PWWP2B: variants seen among roughly 807,000 people sequenced by gnomAD.
PWWP2B encodes the protein PWWP domain containing 2B, also known as PWWP domain-containing protein 2B.
A neutral mutation model predicts 15.5 loss-of-function variants in PWWP2B; 9 were observed. The observed-to-expected ratio is 0.58, with a 90% CI of 0.35 to 1.02. PWWP2B has a LOEUF of 1.02. PWWP2B is among the 50% of genes least tolerant of loss of function. The probability of loss-of-function intolerance (pLI) is 0.02; values close to 1 mark genes in which losing one functional copy is unlikely to be tolerated. For missense variants in PWWP2B, 864 were observed against 865.3 expected (o/e 1.00, Z 0.02); for synonymous variants, 474 against 403.6 (o/e 1.17, Z -2.09).
Position 132,404,657 on chromosome 10 carries a change from C to T in PWWP2B, c.157C>T (p.Pro53Ser). Reference sequence around the variant, plus strand: ...CCTCTTTGGCCTACCCCCGTTGGCTCCGCTGCCCCAGGTCGATGAGTCCCC... The same window carrying T: ...CCTCTTTGGCCTACCCCCGTTGGCTTCGCTGCCCCAGGTCGATGAGTCCCC... ...SGLFGLPPLA[P>S]LPQVDESPVN... is the part of the protein sequence containing the mutation. Residue 53 changes from proline (P) to serine (S), a missense_variant, in exon 2 of 3, where the codon CCG becomes TCG. This residue lies in a region of PWWP2B where 736 missense variants were observed against 687.7 expected (regional missense o/e 1.07). Transcript: ENST00000305233. 6.2e-7 allele frequency: 1 copy of T among 1,612,922 alleles called. No homozygotes were observed. Among genetic ancestry groups the T allele is most frequent in the Non-Finnish European group, 8.5e-7 (1 of 1,179,840 alleles).
intron 2 of PWWP2B, among the ~76,000 whole-genome samples, 189 bp downstream of exon 2, chr10:132,406,478 C>G (rs997669012): frequency 3.9e-5 from 6 of 152,254 alleles, no homozygotes; most frequent in African/African-American, 1.4e-4. Context: ...GCTTCTGATT[C>G]ACACAAGAGG....
intron 2 of PWWP2B, among the ~76,000 whole-genome samples, chr10:132,414,581 A>G (rs2133165787): frequency 7.2e-6 from 1 of 138,930 alleles, no homozygotes; most frequent in East Asian, 1.9e-4. Flanking sequence ...TGGAGGATGC[A>G]TAGGTGGAGC....
At position 132,417,344 on chromosome 10, in the gene PWWP2B, G is replaced by A. The variant is rs1012732425; in HGVS notation, c.*300G>A. 11 of 515,146 alleles carry A rather than the reference G, an allele frequency of 2.1e-5. No individual in the cohort carries two copies. Among genetic ancestry groups the A allele is most frequent in the Non-Finnish European group, 2.8e-5 (8 of 288,968 alleles). The allele number at this position is 515,146 out of a possible 1,614,324, so 31.9% of individuals were successfully genotyped here. On this transcript the variant is annotated 3_prime_UTR_variant, in exon 3 of 3. Transcript: ENST00000305233. Reference sequence around the variant, plus strand: ...TGGCTGCTGGCTGCTGCTGCCTCGCGCGCTGGGGTTCCATGGAGGAACTGG... The same window carrying A: ...TGGCTGCTGGCTGCTGCTGCCTCGCACGCTGGGGTTCCATGGAGGAACTGG...
chr10:132,415,521 C>T (rs1197180783), intron 2 of PWWP2B, among the ~76,000 whole-genome samples: 1 of 128,714 alleles, frequency 7.8e-6, no homozygotes, highest in African/African-American at 3.5e-5. Context: ...ATCCAGACAT[C>T]CACTGTCACA....
intron 1 of PWWP2B, among the ~76,000 whole-genome samples, chr10:132,400,882 C>G (rs759043149): frequency 6.6e-6 from 1 of 152,240 alleles, no homozygotes; most frequent in Non-Finnish European, 1.5e-5. Flanking sequence ...AATGTGGGCC[C>G]GGGAGGCCAG....
At chr10:132,416,367 C>T (rs1200858104) in intron 2 of PWWP2B, among the ~76,000 whole-genome samples, 5 of 152,166 alleles carry the variant, frequency 3.3e-5, no homozygotes, top group Admixed American at 6.5e-5. Flanking sequence ...GTCTGTCTCT[C>T]TGTTTGTTGG....
At chr10:132,416,785 G>A (rs1456429179) in intron 2 of PWWP2B, among the ~76,000 whole-genome samples, 1 of 152,130 alleles carries the variant, frequency 6.6e-6, no homozygotes, top group Non-Finnish European at 1.5e-5. Context: ...CAGGCCCGCT[G>A]GCTTCTCCGT....
At chr10:132,410,059 C>T (rs1480152513) in intron 2 of PWWP2B, among the ~76,000 whole-genome samples, 1 of 152,098 alleles carries the variant, frequency 6.6e-6, no homozygotes, top group Non-Finnish European at 1.5e-5. Flanking sequence ...TATTATTTGT[C>T]AGTTAAAAAT....
At chr10:132,407,806 C>T (rs1317261244) in intron 2 of PWWP2B, among the ~76,000 whole-genome samples, 1 of 152,220 alleles carries the variant, frequency 6.6e-6, no homozygotes, top group Non-Finnish European at 1.5e-5. Context: ...CGTCTCTCAG[C>T]TTGAGTCTGG....
chr10:132,405,854 G>A lies in PWWP2B; in HGVS notation c.1354G>A (p.Ala452Thr), dbSNP rs1194474601. The A allele has an allele frequency of 5.6e-6, 9 of 1,611,100 alleles. No homozygotes were observed. Among genetic ancestry groups the A allele is most frequent in the East Asian group, 4.5e-5 (2 of 44,826 alleles). Residue 452 changes from alanine (A) to threonine (T), a missense_variant, in exon 2 of 3, where the codon GCG (alanine) becomes ACG (threonine). Around this residue, in one of 2 missense-constraint regions of PWWP2B, gnomAD observed 736 missense variants for 687.7 expected, o/e 1.07. Coordinates refer to ENST00000305233, the MANE Select transcript of PWWP2B (RefSeq NM_138499.4). ...GGGTGACCTCTCGCCTGGCCACGGCGCGTCAGCGCCCTCGGTGTCCAGAGA... is the reference window on the plus strand; with the variant it reads ...GGGTGACCTCTCGCCTGGCCACGGCACGTCAGCGCCCTCGGTGTCCAGAGA... ...DTGDLSPGHGASAPSVSREAR... is the reference protein window; with the variant it reads ...DTGDLSPGHGTSAPSVSREAR...
At position 132,417,660 on chromosome 10, in the gene PWWP2B, C is replaced by T. The variant is rs1215546158; in HGVS notation, c.*616C>T. On this transcript the variant is annotated 3_prime_UTR_variant, in exon 3 of 3. Transcript: ENST00000305233. ...CAAGTTCATCCCAGAGCGTGGGGCCCGCTGGGCACCTGGCACCTGGCCTGC... is the reference window on the plus strand; with the variant it reads ...CAAGTTCATCCCAGAGCGTGGGGCCTGCTGGGCACCTGGCACCTGGCCTGC... 4 of 154,080 alleles carry T rather than the reference C, an allele frequency of 2.6e-5. No homozygotes were observed. The highest frequency in any genetic ancestry group is 1.9e-4 in the South Asian group (1 of 5,226). 9.5% of individuals were successfully genotyped at this position (154,080 alleles called of 1,614,324 possible). A position where few individuals can be genotyped will look rare whatever the true frequency, so the allele number is the denominator to read the frequency against.
chr10:132,416,280 C>T (rs1037533188), intron 2 of PWWP2B, among the ~76,000 whole-genome samples: 37 of 152,284 alleles, frequency 2.4e-4, no homozygotes, highest in Non-Finnish European at 4.4e-4. Flanking sequence ...CGTGCACCCT[C>T]GGCTCTGCAG....
chr10:132,408,821 CAG>C (rs2069738328), intron 2 of PWWP2B, among the ~76,000 whole-genome samples: 1 of 152,248 alleles, frequency 6.6e-6, no homozygotes, highest in Non-Finnish European at 1.5e-5. Flanking sequence ...AGGCCCTGCT[CAG>C]GGGTAGGCGG....
At chr10:132,400,664 T>C (rs1335799967) in intron 1 of PWWP2B, among the ~76,000 whole-genome samples, 1 of 152,164 alleles carries the variant, frequency 6.6e-6, no homozygotes, top group African/African-American at 2.4e-5. Context: ...TGTCCTGCTG[T>C]GGGTGTCTGC....
intron 2 of PWWP2B, among the ~76,000 whole-genome samples, chr10:132,416,318 T>C (rs2069855671): frequency 1.3e-5 from 2 of 151,962 alleles, no homozygotes; most frequent in South Asian, 4.2e-4. Context: ...GTCCCTGTGC[T>C]CTCCACCCAC....
At position 132,406,099 on chromosome 10, in the gene PWWP2B, T is replaced by C. The variant is rs536978356; in HGVS notation, c.1599T>C (p.Ser533=). The change falls in exon 2 of 3, where the codon TCT becomes TCC. Residue 533 remains serine (S), a synonymous_variant. Transcript: ENST00000305233. ...WREAKVSWFG[S]PTTSFLSISK... The stretch of plus-strand genomic sequence containing the variant: ...AAGCGAAGGTCTCGTGGTTTGGTTC[T>C]CCGACTACGTCGTTCTTGTCTATTT... 2 of 1,613,824 alleles carry C rather than the reference T, an allele frequency of 1.2e-6. No homozygotes were observed. The highest frequency in any genetic ancestry group is 1.1e-5 in the South Asian group (1 of 91,088).
At chr10:132,415,507 T>TCACATC (rs1440089429) in intron 2 of PWWP2B, among the ~76,000 whole-genome samples, 51 of 131,946 alleles carry the variant, frequency 3.9e-4, no homozygotes, top group African/African-American at 1.6e-3. Flanking sequence ...ACACATCCAC[T>TCACATC]CACATCCAGA....
At chr10:132,407,030 T>C (rs2069710537) in intron 2 of PWWP2B, among the ~76,000 whole-genome samples, 1 of 152,276 alleles carries the variant, frequency 6.6e-6, no homozygotes, top group African/African-American at 2.4e-5. Context: ...GTGTGGATTC[T>C]CTGTGCCTGG....
At chr10:132,399,038 G>A (rs537027399) in intron 1 of PWWP2B, among the ~76,000 whole-genome samples, 2 of 144,712 alleles carry the variant, frequency 1.4e-5, no homozygotes, top group Admixed American at 6.8e-5. Flanking sequence ...GCTTGTCCTG[G>A]AAGGACCCCC....
Sources: gnomAD v4.1 joint callset for allele counts (sites outside exome capture counted in the v4.1 genomes callset) on GRCh38, gnomAD v4.1.1 for gene constraint, gnomAD v4.1.1 regional missense constraint, MANE v1.5 for transcripts, NCBI Gene and HGNC (gene_info 2026-07-23, HGNC 2026-07-21) for gene names.